The following AGBL3 variants were observed in gnomAD, a reference collection of about 807,000 sequenced individuals.
The protein encoded by AGBL3 is cytosolic carboxypeptidase 3.
A neutral mutation model predicts 94.5 loss-of-function variants in AGBL3; 68 were observed. The ratio of observed to expected loss-of-function variants is 0.72; its 90% CI spans 0.59 to 0.88. The LOEUF (loss-of-function observed/expected upper bound fraction) is 0.88, where lower values mean the gene tolerates loss of function less well. AGBL3 is among the 40% of genes least tolerant of loss of function. AGBL3 has a pLI of 0.00. For synonymous variants in AGBL3, 354 were observed against 370.7 expected (o/e 0.95, Z 0.52); for missense variants, 934 against 1,103.8 (o/e 0.85, Z 2.18).
Position 135,051,826 on chromosome 7 carries a change from C to A in AGBL3, c.1841+5915C>A, listed in dbSNP as rs140510762. On this transcript the variant is annotated intron_variant, in intron 11 of 16. Coordinates refer to ENST00000436302, the MANE Select transcript of AGBL3 (RefSeq NM_178563.4). Reference sequence around the variant, plus strand: ...CTATCATATACCCATAATAATGCTACCAATAAAATGACTATTGAATGCAGT... The same window carrying A: ...CTATCATATACCCATAATAATGCTAACAATAAAATGACTATTGAATGCAGT... Among the ~76,000 whole-genome samples, 19 of 152,070 alleles carry A rather than the reference C, an allele frequency of 1.2e-4. No individual in the cohort carries two copies. The East Asian group carries it at 3.5e-3, about 28-fold the overall frequency.
intron 15 of AGBL3, chr7:135,093,979 G>C (rs1822255606): frequency 5.8e-6 from 1 of 171,530 alleles, no homozygotes; most frequent in Non-Finnish European, 1.2e-5. Flanking sequence ...AAAGATGCCA[G>C]GACAATTGGA....
intron 4 of AGBL3, among the ~76,000 whole-genome samples, chr7:135,001,579 CA>C (rs1404922395): frequency 2.0e-5 from 3 of 152,300 alleles, no homozygotes; most frequent in Admixed American, 1.3e-4. Flanking sequence ...ATGTAATCTC[CA>C]ATAGTGTTTC....
At chr7:135,017,310 G>T in intron 5 of AGBL3, 151 bp downstream of exon 5, 1 of 615,914 alleles carries the variant, frequency 1.6e-6, no homozygotes, top group Non-Finnish European at 2.8e-6. Context: ...TCCAAGTGTT[G>T]ATTTAGAGCC....
chr7:135,074,056 TG>T (rs1375527421), intron 12 of AGBL3, among the ~76,000 whole-genome samples: 1 of 151,754 alleles, frequency 6.6e-6, no homozygotes. Flanking sequence ...TTGCTGAGAA[TG>T]GGTCTTAAGT....
intron 8 of AGBL3, among the ~76,000 whole-genome samples, chr7:135,043,460 TGGA>T (rs1817056930): frequency 6.6e-6 from 1 of 152,080 alleles, no homozygotes; most frequent in African/African-American, 2.4e-5. Context: ...GGAAAGGTAG[TGGA>T]GGAGGGCAGA....
At chr7:135,005,847 T>G (rs1812318130) in intron 4 of AGBL3, among the ~76,000 whole-genome samples, 1 of 151,736 alleles carries the variant, frequency 6.6e-6, no homozygotes, top group Admixed American at 6.6e-5. Context: ...AAAGTTTGCA[T>G]TTTCAACAAA....
chr7:135,107,607 C>T (rs1824937777), intron 15 of AGBL3, among the ~76,000 whole-genome samples: 1 of 152,086 alleles, frequency 6.6e-6, no homozygotes, highest in Non-Finnish European at 1.5e-5. Flanking sequence ...AGTTCTTTTG[C>T]ATTTCCTGAG....
intron 14 of AGBL3, among the ~76,000 whole-genome samples, chr7:135,081,152 T>G (rs767365708): frequency 1.6e-4 from 24 of 152,074 alleles, no homozygotes; most frequent in African/African-American, 3.1e-4. Flanking sequence ...TTTTATGTAT[T>G]CTTTTGTTAA....
chr7:135,036,925 A>ACTT (rs1408402257), intron 7 of AGBL3, among the ~76,000 whole-genome samples: 2 of 19,204 alleles, frequency 1.0e-4, no homozygotes, highest in Non-Finnish European at 1.6e-3. Flanking sequence ...CTGCATGCAG[A>ACTT]CTTTTTTTTT....
intron 2 of AGBL3, 190 bp downstream of exon 2, chr7:134,988,186 A>T (rs973195806): frequency 2.4e-6 from 1 of 421,402 alleles, no homozygotes; most frequent in Non-Finnish European, 4.3e-6. Context: ...GTCTAGAAAG[A>T]GAAACTATAT....
intron 5 of AGBL3, among the ~76,000 whole-genome samples, chr7:135,029,785 A>C (rs968555959): frequency 2.6e-5 from 4 of 152,192 alleles, no homozygotes; most frequent in African/African-American, 7.2e-5. Flanking sequence ...TTTTGATTTA[A>C]AGAGAGAGAT....
chr7:135,129,235 G>T (rs1828384174), intron 16 of AGBL3: 1 of 1,481,110 alleles, frequency 6.8e-7, no homozygotes, highest in African/African-American at 1.4e-5. Context: ...CAGGAGCCTG[G>T]CTACATCATG....
intron 11 of AGBL3, among the ~76,000 whole-genome samples, chr7:135,053,169 G>T (rs984929369): frequency 2.6e-5 from 4 of 151,944 alleles, no homozygotes; most frequent in Non-Finnish European, 5.9e-5. Context: ...TTCATTCTTT[G>T]CTTAAGAAAG....
chr7:135,025,260 T>C (rs539323698), intron 5 of AGBL3, among the ~76,000 whole-genome samples: 1 of 151,648 alleles, frequency 6.6e-6, no homozygotes, highest in South Asian at 2.1e-4. Context: ...CCCATCCAGC[T>C]AGCCGTGAAC....
At chr7:135,018,337 A>C (rs1814041463) in intron 5 of AGBL3, among the ~76,000 whole-genome samples, 1 of 152,220 alleles carries the variant, frequency 6.6e-6, no homozygotes, top group Admixed American at 6.5e-5. Flanking sequence ...AACCAATTTC[A>C]CTATCCTCCC....
chr7:135,082,112 T>C (rs1028306164), intron 15 of AGBL3, among the ~76,000 whole-genome samples: 1 of 152,146 alleles, frequency 6.6e-6, no homozygotes, highest in African/African-American at 2.4e-5. Flanking sequence ...AATTGCAATA[T>C]AATTCATTCC....
chr7:135,009,237 A>G (rs186550775), intron 4 of AGBL3, among the ~76,000 whole-genome samples: 11 of 152,342 alleles, frequency 7.2e-5, no homozygotes, highest in South Asian at 2.1e-4. Context: ...ATGTCCATCA[A>G]TGGATGAATG....
chr7:135,101,569 C>T (rs957984097), intron 15 of AGBL3, among the ~76,000 whole-genome samples: 6 of 152,228 alleles, frequency 3.9e-5, no homozygotes, highest in Non-Finnish European at 5.9e-5. Context: ...CACCACCACC[C>T]GCCAAGAAAA....
In AGBL3 at chr7:135,055,183, G is replaced by T. The variant is rs8180746; in HGVS notation, c.1842-3986G>T. On this transcript the variant is annotated intron_variant, in intron 11 of 16. Coordinates refer to ENST00000436302, the MANE Select transcript of AGBL3 (RefSeq NM_178563.4). ...CACCCCCATGACCCAAACACCTCCC[G>T]CTAGGCCCTACCTCCCAACACTGGC... 2.0e-5 allele frequency among the ~76,000 whole-genome samples: 3 copies of T among 152,044 alleles called. No individual in the cohort carries two copies. The South Asian group carries it at 6.2e-4, about 32-fold the overall frequency.
Sources: gnomAD v4.1 joint callset for allele counts (sites outside exome capture counted in the v4.1 genomes callset) on GRCh38, gnomAD v4.1.1 for gene constraint, MANE v1.5 for transcripts, NCBI Gene and HGNC (gene_info 2026-07-23, HGNC 2026-07-21) for gene names.